GNA14: variants seen among roughly 807,000 people sequenced by gnomAD.
GNA14 encodes the protein G protein subunit alpha 14.
A neutral mutation model predicts 42.0 loss-of-function variants in GNA14; 50 were observed. The observed-to-expected ratio is 1.19, with a 90% CI of 0.95 to 1.51. The LOEUF (loss-of-function observed/expected upper bound fraction) is 1.51. GNA14 is among the 40% of genes most tolerant of loss of function. The pLI, the probability that GNA14 is intolerant of heterozygous loss-of-function variation, is 0.00. For synonymous variants in GNA14, 173 were observed against 163.1 expected, an observed-to-expected ratio of 1.06 and a Z score of -0.46; for missense variants, 473 against 446.2, an observed-to-expected ratio of 1.06 and a Z score of -0.54.
At chr9:77,477,970 T>C (rs901427539) in intron 2 of GNA14, among the ~76,000 whole-genome samples, 14 of 149,770 alleles carry the variant, frequency 9.3e-5, no homozygotes, top group African/African-American at 2.7e-4. Context: ...AATAGCGATC[T>C]GATGGGAGTT....
At chr9:77,547,415 G>A (rs1837733410) in intron 1 of GNA14, among the ~76,000 whole-genome samples, 1 of 152,172 alleles carries the variant, frequency 6.6e-6, no homozygotes, top group South Asian at 2.1e-4. Flanking sequence ...GAAAAAAAGA[G>A]GTAAAATTAG....
intron 1 of GNA14, among the ~76,000 whole-genome samples, chr9:77,601,787 G>A (rs576682821): frequency 3.9e-5 from 6 of 152,288 alleles, no homozygotes; most frequent in Admixed American, 3.3e-4. Flanking sequence ...CACTGGTGCC[G>A]GGCTCTTAGT....
chr9:77,638,867 C>T lies in GNA14; in HGVS notation c.124+8803G>A, dbSNP rs141034057. ...TGTTTAACACCAGAGACAATGCTGG[C>T]AGATGGGCTGTGGCAATTTCCTGGG... On this transcript the variant is annotated intron_variant, in intron 1 of 6. Transcript: ENST00000341700. Among the ~76,000 whole-genome samples, 348 of 152,228 alleles carry T rather than the reference C, an allele frequency of 2.3e-3. 9 individuals are homozygous for T. The highest frequency in any genetic ancestry group is 9.6e-4 in the East Asian group (5 of 5,182).
At chr9:77,565,240 G>A (rs910937470) in intron 1 of GNA14, among the ~76,000 whole-genome samples, 6 of 152,136 alleles carry the variant, frequency 3.9e-5, no homozygotes, top group Admixed American at 6.5e-5. Flanking sequence ...CCAGCTAAAC[G>A]TGGTTACTGA....
At chr9:77,518,862 T>G (rs1029106681) in intron 2 of GNA14, among the ~76,000 whole-genome samples, 1 of 152,192 alleles carries the variant, frequency 6.6e-6, no homozygotes. Flanking sequence ...AAAGAGAAAG[T>G]GCCATTATTT....
At chr9:77,642,723 C>T (rs902938773) in intron 1 of GNA14, among the ~76,000 whole-genome samples, 3 of 152,094 alleles carry the variant, frequency 2.0e-5, no homozygotes, top group Middle Eastern at 3.2e-3. Flanking sequence ...GAGCCATGAT[C>T]GTGCCATTAC....
At chr9:77,506,344 T>C (rs957301504) in intron 2 of GNA14, among the ~76,000 whole-genome samples, 3 of 147,880 alleles carry the variant, frequency 2.0e-5, no homozygotes, top group African/African-American at 7.5e-5. Context: ...AGTCAATAGA[T>C]CCAAAACATC....
At chr9:77,435,047 A>AT (rs1163104107) in intron 2 of GNA14, among the ~76,000 whole-genome samples, 10 of 136,810 alleles carry the variant, frequency 7.3e-5, no homozygotes, top group South Asian at 6.9e-4. Flanking sequence ...TTGTTCTTTC[A>AT]TTTAAAAAAA....
chr9:77,538,982 A>C (rs1290198471), intron 1 of GNA14, among the ~76,000 whole-genome samples: 1 of 152,146 alleles, frequency 6.6e-6, no homozygotes, highest in Admixed American at 6.5e-5. Context: ...CCTCTTTTCC[A>C]ATTTGGATGC....
At chr9:77,483,368 G>A (rs938841539) in intron 2 of GNA14, among the ~76,000 whole-genome samples, 22 of 152,274 alleles carry the variant, frequency 1.4e-4, no homozygotes, top group Non-Finnish European at 2.5e-4. Flanking sequence ...GCCGAACAGC[G>A]GTGGCTGTAG....
At chr9:77,483,349 G>A (rs1411371347) in intron 2 of GNA14, among the ~76,000 whole-genome samples, 2 of 152,332 alleles carry the variant, frequency 1.3e-5, no homozygotes, top group African/African-American at 4.8e-5. Flanking sequence ...GGCATCAGGA[G>A]CAGTGGCTGC....
chr9:77,444,312 C>T (rs1490109887), intron 2 of GNA14, among the ~76,000 whole-genome samples: 2 of 152,186 alleles, frequency 1.3e-5, no homozygotes, highest in African/African-American at 2.4e-5. Flanking sequence ...CACAGGTGCC[C>T]TCAGCACATT....
chr9:77,482,126 T>C (rs941338829), intron 2 of GNA14, among the ~76,000 whole-genome samples: 12 of 152,250 alleles, frequency 7.9e-5, no homozygotes, highest in Non-Finnish European at 1.8e-4. Context: ...CATTAGTTGA[T>C]GCAGTTTCTT....
chr9:77,499,339 A>T (rs1836926796), intron 2 of GNA14, among the ~76,000 whole-genome samples: 1 of 151,966 alleles, frequency 6.6e-6, no homozygotes, highest in Non-Finnish European at 1.5e-5. Context: ...CTGCCACCAG[A>T]TTCATCACTG....
chr9:77,476,279 G>A (rs1193923242), intron 2 of GNA14, among the ~76,000 whole-genome samples: 3 of 152,160 alleles, frequency 2.0e-5, no homozygotes, highest in Admixed American at 6.5e-5. Flanking sequence ...CTCTTGGTAC[G>A]TTAAAATAGC....
At chr9:77,622,834 C>CAGTGAGCT (rs1823949877) in intron 1 of GNA14, among the ~76,000 whole-genome samples, 2 of 147,010 alleles carry the variant, frequency 1.4e-5, no homozygotes, top group Admixed American at 1.4e-4. Flanking sequence ...GCAGAGCTTA[C>CAGTGAGCT]AGTGAGCTGA....
At chr9:77,500,185 GCTA>G (rs953667820) in intron 2 of GNA14, among the ~76,000 whole-genome samples, 3 of 151,908 alleles carry the variant, frequency 2.0e-5, no homozygotes, top group Admixed American at 6.6e-5. Flanking sequence ...ACCACTCCTG[GCTA>G]CTTTTTTTCA....
intron 1 of GNA14, among the ~76,000 whole-genome samples, chr9:77,576,112 T>TA (rs2131798914): frequency 6.6e-6 from 1 of 152,326 alleles, no homozygotes; most frequent in East Asian, 1.9e-4. Flanking sequence ...TTAAGAGACA[T>TA]AAATATACTG....
chr9:77,428,071 C>CTTTTTTTTTTTTTTTTTTTT (rs1182913068), intron 5 of GNA14, among the ~76,000 whole-genome samples: 1 of 130,676 alleles, frequency 7.7e-6, no homozygotes. Context: ...GGCATTTTTT[C>CTTTTTTTTTTTTTTTTTTTT]TTTTTTTTTT....
Sources: allele counts gnomAD v4.1 joint callset (sites outside exome capture counted in the v4.1 genomes callset), GRCh38; gene constraint gnomAD v4.1.1; transcripts MANE v1.5; gene names NCBI Gene and HGNC (gene_info 2026-07-23, HGNC 2026-07-21).